Variants in NRXN3 observed in about 807,000 individuals in gnomAD.
The protein encoded by NRXN3 is neurexin 3.
Under a neutral mutation model 137.6 loss-of-function variants are expected in NRXN3, and 32 were observed. The observed-to-expected ratio is 0.23, with a 90% CI of 0.18 to 0.31. The LOEUF (loss-of-function observed/expected upper bound fraction) is 0.31, where lower values mean the gene tolerates loss of function less well. Among genes scored for constraint, NRXN3 ranks in the 10% least tolerant of loss-of-function variants. The probability of loss-of-function intolerance (pLI) is 1.00; values close to 1 mark genes in which losing one functional copy is unlikely to be tolerated. For missense variants in NRXN3, 1,574 were observed against 2,062.5 expected (o/e 0.76, Z 4.59); for synonymous variants, 798 against 784.5 (o/e 1.02, Z -0.29).
chr14:78,849,481 C>T (rs2099036751), intron 10 of NRXN3, among the ~76,000 whole-genome samples: 1 of 152,052 alleles, frequency 6.6e-6, no homozygotes. Flanking sequence ...GCCCTCCAAC[C>T]TAGAGGTCTG....
chr14:79,123,022 G>A (rs1015441507), intron 15 of NRXN3, among the ~76,000 whole-genome samples: 6 of 152,110 alleles, frequency 3.9e-5, no homozygotes, highest in Non-Finnish European at 8.8e-5. Flanking sequence ...AGAATTAAGA[G>A]AGTAAAAAGT....
intron 15 of NRXN3, among the ~76,000 whole-genome samples, chr14:79,269,080 C>T (rs376464248): frequency 2.1e-5 from 3 of 140,524 alleles, no homozygotes; most frequent in Non-Finnish European, 3.1e-5. Flanking sequence ...GACGGAGTCT[C>T]GCTCTGTCGC....
intron 15 of NRXN3, among the ~76,000 whole-genome samples, chr14:78,996,676 C>A (rs746356983): frequency 6.6e-6 from 1 of 152,026 alleles, no homozygotes; most frequent in Non-Finnish European, 1.5e-5. Flanking sequence ...TGCCATTTTG[C>A]AGGTTTGGTA....
At chr14:78,377,767 C>G (rs948175437) in intron 4 of NRXN3, among the ~76,000 whole-genome samples, 5 of 152,206 alleles carry the variant, frequency 3.3e-5, no homozygotes, top group African/African-American at 1.2e-4. Flanking sequence ...ACCAGTCTTA[C>G]TGGTCACCCT....
intron 15 of NRXN3, among the ~76,000 whole-genome samples, chr14:79,334,847 T>C (rs1379540972): frequency 6.6e-6 from 1 of 152,230 alleles, no homozygotes; most frequent in Non-Finnish European, 1.5e-5. Flanking sequence ...ATTACTTATT[T>C]TAAAATTGAT....
At chr14:78,682,515 A>G (rs2098086342) in intron 6 of NRXN3, among the ~76,000 whole-genome samples, 1 of 151,986 alleles carries the variant, frequency 6.6e-6, no homozygotes, top group Admixed American at 6.6e-5. Flanking sequence ...TTGTGGAATC[A>G]CTTCAGCTAC....
intron 4 of NRXN3, among the ~76,000 whole-genome samples, chr14:78,416,058 C>A (rs2093120523): frequency 6.6e-6 from 1 of 152,138 alleles, no homozygotes; most frequent in Non-Finnish European, 1.5e-5. Flanking sequence ...AAGCAAGTCA[C>A]ATGGACAATG....
chr14:79,607,090 G>A (rs1048382904), intron 16 of NRXN3, among the ~76,000 whole-genome samples: 16 of 152,216 alleles, frequency 1.1e-4, no homozygotes, highest in East Asian at 1.9e-4. Context: ...GTGGGTATGT[G>A]TATTTGTCCT....
intron 14 of NRXN3, among the ~76,000 whole-genome samples, chr14:78,982,404 A>T (rs925219994): frequency 1.3e-5 from 2 of 152,176 alleles, no homozygotes; most frequent in Non-Finnish European, 2.9e-5. Context: ...GTAGGATTTG[A>T]AAGACAGTGA....
intron 19 of NRXN3, among the ~76,000 whole-genome samples, chr14:79,700,404 T>C (rs1174243832): frequency 2.0e-5 from 3 of 152,086 alleles, no homozygotes; most frequent in Non-Finnish European, 4.4e-5. Context: ...AAATCATACA[T>C]AGAACATTTT....
rs199926307 is a variant in NRXN3 at position 79,470,888 on chromosome 14, A to AAG, written c.3444+3499_3444+3500dup. ...TGTGTGTGTGTGAGAGAGAGAGAGA[A>AAG]AGAGAGAGAGAGAGTGTGTGTGTGT... On this transcript the variant is annotated intron_variant, in intron 16 of 20. Coordinates refer to ENST00000335750, the MANE Select transcript of NRXN3 (RefSeq NM_001330195.2). Among the ~76,000 whole-genome samples the AAG allele has an allele frequency of 5.2e-3, 592 of 114,194 alleles. 4 individuals are homozygous for AAG. The highest frequency in any genetic ancestry group is 0.016 in the African/African-American group (477 of 29,780). 74.9% of individuals were successfully genotyped at this position (114,194 alleles called of 152,430 possible).
In NRXN3 at chr14:78,949,174, C is replaced by G. The variant is rs1597781457; in HGVS notation, c.2276-8068C>G. On this transcript the variant is annotated intron_variant, in intron 10 of 20. Transcript: ENST00000335750. ...GACTTCATTTATATCTATCTGCTGC[C>G]TGATATCTTTCAGCTCCAAATTTGT... Among the ~76,000 whole-genome samples the G allele has an allele frequency of 2.0e-5, 3 of 152,246 alleles. No individual in the cohort carries two copies. In the South Asian group the frequency reaches 6.2e-4, roughly 32 times the overall value.
chr14:79,674,203 A>AACTT, intron 17 of NRXN3, among the ~76,000 whole-genome samples: 1 of 152,142 alleles, frequency 6.6e-6, no homozygotes, highest in African/African-American at 2.4e-5. Context: ...ATGACATGAC[A>AACTT]ACTTATACCT....
At chr14:78,511,191 G>A (rs2096099893) in intron 4 of NRXN3, among the ~76,000 whole-genome samples, 7 of 152,116 alleles carry the variant, frequency 4.6e-5, no homozygotes. Flanking sequence ...ATCTAACAAC[G>A]GAGCCAATGC....
At chr14:78,690,567 G>A (rs779461316) in intron 6 of NRXN3, among the ~76,000 whole-genome samples, 1 of 152,240 alleles carries the variant, frequency 6.6e-6, no homozygotes, top group East Asian at 1.9e-4. Flanking sequence ...ATGGTTGTTT[G>A]TTGAGTAAAC....
intron 15 of NRXN3, among the ~76,000 whole-genome samples, chr14:79,190,512 A>C (rs1597073838): frequency 6.6e-6 from 1 of 152,256 alleles, no homozygotes; most frequent in South Asian, 2.1e-4. Context: ...TCTGGAGTGC[A>C]GGATTCATTA....
intron 15 of NRXN3, among the ~76,000 whole-genome samples, chr14:79,411,833 G>A (rs2095421528): frequency 6.6e-6 from 1 of 152,136 alleles, no homozygotes; most frequent in African/African-American, 2.4e-5. Flanking sequence ...ATGTGACTAA[G>A]ATACAGTCCC....
At chr14:78,292,284 T>TGTAA in intron 3 of NRXN3, among the ~76,000 whole-genome samples, 1 of 152,218 alleles carries the variant, frequency 6.6e-6, no homozygotes, top group Non-Finnish European at 1.5e-5. Context: ...TCCCAAAGGG[T>TGTAA]GTAACATAGT....
intron 4 of NRXN3, among the ~76,000 whole-genome samples, chr14:78,492,804 A>G (rs894846983): frequency 7.9e-5 from 12 of 152,222 alleles, no homozygotes; most frequent in Non-Finnish European, 1.8e-4. Flanking sequence ...CATGGATTCA[A>G]GCTCTGAATA....
Sources: gnomAD v4.1 joint callset for allele counts (sites outside exome capture counted in the v4.1 genomes callset) on GRCh38, gnomAD v4.1.1 for gene constraint, MANE v1.5 for transcripts, NCBI Gene and HGNC (gene_info 2026-07-23, HGNC 2026-07-21) for gene names.